The following GTF2H2 variants were observed in gnomAD, a reference collection of about 807,000 sequenced individuals.
The protein encoded by GTF2H2 is general transcription factor IIH subunit 2.
GTF2H2 carries 2 observed loss-of-function variants against 16.5 expected under a neutral mutation model. That is an observed-to-expected ratio of 0.12 (90% CI 0.05 to 0.38). The LOEUF is 0.38. GTF2H2 is among the 10% of genes least tolerant of loss of function. The probability of loss-of-function intolerance (pLI) is 0.99; values close to 1 mark genes in which losing one functional copy is unlikely to be tolerated. For missense variants in GTF2H2, 20 were observed against 137.0 expected (o/e 0.15, Z 4.26); for synonymous variants, 8 against 44.1 (o/e 0.18, Z 3.24).
chr5:71,045,940 T>G lies in GTF2H2; in HGVS notation c.758-433A>C, dbSNP rs938688662. On this transcript the variant is annotated intron_variant, in intron 11 of 15. Coordinates refer to ENST00000274400, the Ensembl canonical transcript of GTF2H2. ...AGCTATATATTTTCTAACTTAATGA[T>G]TAACACTACTTTTTAAAGAGGTTGT... Among the ~76,000 whole-genome samples the G allele has an allele frequency of 1.7e-4, 24 of 143,382 alleles. 2 individuals are homozygous for G. Among genetic ancestry groups the G allele is most frequent in the African/African-American group, 6.6e-4 (24 of 36,608 alleles). The allele number at this position is 143,382 out of a possible 152,430, so 94.1% of individuals were successfully genotyped here. A position where few individuals can be genotyped will look rare whatever the true frequency, so the allele number is the denominator to read the frequency against.
Position 71,051,878 on chromosome 5 carries a change from TACA to T in GTF2H2, c.471-2723_471-2721del, listed in dbSNP as rs1205705180. 3.8e-4 allele frequency among the ~76,000 whole-genome samples: 48 copies of T among 124,926 alleles called. 4 individuals are homozygous for T. Among genetic ancestry groups the T allele is most frequent in the South Asian group, 1.5e-3 (6 of 4,084 alleles). 82.0% of individuals were successfully genotyped at this position (124,926 alleles called of 152,430 possible). A position where few individuals can be genotyped will look rare whatever the true frequency, so the allele number is the denominator to read the frequency against. ...GGGCAATGTGGCGAAACCCTACCTC[TACA>T]ACAACAACAACAACAAAAATTAGCT... is the stretch of plus-strand genomic sequence containing the variant. On this transcript the variant is annotated intron_variant, in intron 8 of 15. Coordinates refer to ENST00000274400, the Ensembl canonical transcript of GTF2H2.
chr5:71,047,927 TC>T lies in GTF2H2; in HGVS notation c.757+78del. ...ACAAGCATATTTTTTCTTTAAAAAT[TC>T]TTAAATATTAAAATAACTTGTGCAA... is the stretch of plus-strand genomic sequence containing the variant. On this transcript the variant is annotated intron_variant, in intron 11 of 15. Transcript: ENST00000274400. 3 of 619,626 alleles carry T rather than the reference TC, an allele frequency of 4.8e-6. 1 individual carries two copies. Among genetic ancestry groups the T allele is most frequent in the Non-Finnish European group, 6.7e-6 (3 of 448,264 alleles). 38.4% of individuals were successfully genotyped at this position (619,626 alleles called of 1,614,324 possible). A position where few individuals can be genotyped will look rare whatever the true frequency, so the allele number is the denominator to read the frequency against.
intron 11 of GTF2H2, among the ~76,000 whole-genome samples, chr5:71,046,106 A>G (rs1258173682): frequency 1.5e-4 from 20 of 130,266 alleles, no homozygotes; most frequent in African/African-American, 6.3e-4. Flanking sequence ...AATTCTGAAA[A>G]CATGTTCAGG....
intron 8 of GTF2H2, among the ~76,000 whole-genome samples, chr5:71,054,328 G>A (rs1308659195): frequency 1.4e-5 from 2 of 145,886 alleles, no homozygotes; most frequent in African/African-American, 2.6e-5. Flanking sequence ...CCCTGCTACT[G>A]TACTTACCTC....
intron 8 of GTF2H2, among the ~76,000 whole-genome samples, chr5:71,053,416 T>C (rs1752926522): frequency 7.3e-6 from 1 of 137,826 alleles, no homozygotes; most frequent in Non-Finnish European, 1.6e-5. Flanking sequence ...TGGGCGCAGT[T>C]TGTGGTGCCC....
At position 71,039,570 on chromosome 5, in the gene GTF2H2, C is replaced by T. The variant is rs567905719; in HGVS notation, c.1028+1952G>A. Reference sequence around the variant, plus strand: ...TATCCTACTTTTTTTCTTTTTTTCTCGTATCATTCTCATATTGGACCTTCT... The same window carrying T: ...TATCCTACTTTTTTTCTTTTTTTCTTGTATCATTCTCATATTGGACCTTCT... On this transcript the variant is annotated intron_variant, in intron 14 of 15. Transcript: ENST00000274400. 7.5e-5 allele frequency among the ~76,000 whole-genome samples: 11 copies of T among 146,786 alleles called. 1 individual carries two copies. The highest frequency in any genetic ancestry group is 2.8e-4 in the African/African-American group (11 of 38,626).
intron 1 of GTF2H2, among the ~76,000 whole-genome samples, chr5:71,063,802 A>G (rs1267691358): frequency 4.4e-5 from 6 of 135,450 alleles, no homozygotes; most frequent in Admixed American, 4.4e-4. Flanking sequence ...CATTATCCTC[A>G]TTGAATTAAC....
At chr5:71,052,420 G>T (rs1361555730) in intron 8 of GTF2H2, among the ~76,000 whole-genome samples, 1 of 93,640 alleles carries the variant, frequency 1.1e-5, no homozygotes, top group Non-Finnish European at 2.2e-5. Context: ...GCCCACCTTG[G>T]CCTCCCAAAG....
chr5:71,046,591 T>C (rs1376812945), intron 11 of GTF2H2, among the ~76,000 whole-genome samples: 44 of 136,976 alleles, frequency 3.2e-4, no homozygotes, highest in African/African-American at 1.1e-3. Context: ...TATTAAAAGT[T>C]ATACTTTTTT....
At position 71,038,407 on chromosome 5, in the gene GTF2H2, C is replaced by T. The variant is rs183787832; in HGVS notation, c.1029-861G>A. ...ATGCCCAGCCAGAAGCACTTTCTAACGTTTGTTTGATAGTCACTTACTCTA... is the reference window on the plus strand; with the variant it reads ...ATGCCCAGCCAGAAGCACTTTCTAATGTTTGTTTGATAGTCACTTACTCTA... On this transcript the variant is annotated intron_variant, in intron 14 of 15. Coordinates refer to ENST00000274400, the Ensembl canonical transcript of GTF2H2. 5.8e-3 allele frequency among the ~76,000 whole-genome samples: 495 copies of T among 85,708 alleles called. 62 individuals are homozygous for T. Among genetic ancestry groups the T allele is most frequent in the Admixed American group, 7.1e-3 (51 of 7,170 alleles). The allele number at this position is 85,708 out of a possible 152,430, so 56.2% of individuals were successfully genotyped here.
chr5:71,053,284 T>A (rs1752910906), intron 8 of GTF2H2, among the ~76,000 whole-genome samples: 1 of 141,764 alleles, frequency 7.1e-6, no homozygotes, highest in Admixed American at 7.3e-5. Context: ...TGGTGTAATT[T>A]GAATATTTTT....
intron 14 of GTF2H2, among the ~76,000 whole-genome samples, chr5:71,038,565 C>A (rs1751876730): frequency 1.5e-5 from 1 of 64,776 alleles, no homozygotes; most frequent in Non-Finnish European, 3.1e-5. Context: ...ATTCTCAATT[C>A]TTTCTACATA....
At chr5:71,061,688 C>T (rs1394307078) in exon 3 of GTF2H2, 2 of 111,108 alleles carry the variant, frequency 1.8e-5, no homozygotes, top group Non-Finnish European at 3.0e-5. Context: ...GGTTACATAC[C>T]TTTTTCTCTT....
chr5:71,057,635 A>G (rs1753355520), intron 7 of GTF2H2, among the ~76,000 whole-genome samples: 1 of 77,278 alleles, frequency 1.3e-5, no homozygotes, highest in Admixed American at 1.5e-4. Context: ...AAATTAATCT[A>G]AACAAGTGAA....
chr5:71,052,281 C>A (rs1752797438), intron 8 of GTF2H2, among the ~76,000 whole-genome samples: 1 of 130,438 alleles, frequency 7.7e-6, no homozygotes, highest in Non-Finnish European at 1.6e-5. Context: ...GATTCTCCTG[C>A]CTCAGCCTCC....
chr5:71,052,197 TCA>T (rs1752784140), intron 8 of GTF2H2, among the ~76,000 whole-genome samples: 1 of 142,014 alleles, frequency 7.0e-6, no homozygotes, highest in East Asian at 1.9e-4. Context: ...AGACGGAGTC[TCA>T]CAGTGTTGTC....
At chr5:71,055,100 A>T in intron 8 of GTF2H2, 1 of 296,610 alleles carries the variant, frequency 3.4e-6, no homozygotes, top group Non-Finnish European at 6.2e-6. Flanking sequence ...TTTCATCAAC[A>T]TATTTTTGTA....
intron 1 of GTF2H2, among the ~76,000 whole-genome samples, chr5:71,064,171 GAAC>G (rs1753775250): frequency 7.2e-6 from 1 of 139,402 alleles, no homozygotes; most frequent in African/African-American, 2.6e-5. Flanking sequence ...ATAACGATGA[GAAC>G]AACAGACATT....
intron 7 of GTF2H2, chr5:71,059,368 G>A (rs1272036895): frequency 6.3e-5 from 5 of 79,570 alleles, no homozygotes; most frequent in Middle Eastern, 5.9e-3. Flanking sequence ...CTAGCCTGGC[G>A]ACAGAGCAAG....
Sources: gnomAD v4.1 joint callset for allele counts (sites outside exome capture counted in the v4.1 genomes callset) on GRCh38, gnomAD v4.1.1 for gene constraint, MANE v1.5 for transcripts, NCBI Gene and HGNC (gene_info 2026-07-23, HGNC 2026-07-21) for gene names.